Variants in SPMIP2 observed in about 807,000 individuals in gnomAD.
SPMIP2 encodes the protein protein SPMIP2.
the SPMIP2 span, chr4:159,026,315 C>T: frequency 1.6e-6 from 1 of 607,386 alleles, no homozygotes; most frequent in Non-Finnish European, 3.2e-6. Context: ...GCACAGTTTT[C>T]TCGTACCCTG....
At chr4:158,924,850 T>C in the SPMIP2 span, among the ~76,000 whole-genome samples, 1 of 152,230 alleles carries the variant, frequency 6.6e-6, no homozygotes, top group East Asian at 1.9e-4. Context: ...TGACATGGTA[T>C]ATTACATTGA....
At chr4:159,041,058 CAT>C in the SPMIP2 span, among the ~76,000 whole-genome samples, 2 of 152,134 alleles carry the variant, frequency 1.3e-5, no homozygotes, top group East Asian at 3.8e-4. Context: ...CCTGAAAAAA[CAT>C]AGATGATTAA....
At chr4:158,981,411 C>T in the SPMIP2 span, among the ~76,000 whole-genome samples, 159 of 152,188 alleles carry the variant, frequency 1.0e-3, 3 homozygotes, top group East Asian at 0.021. Context: ...TCATCAGAGT[C>T]ACCAAAGTTG....
chr4:158,982,939 A>C, the SPMIP2 span, among the ~76,000 whole-genome samples: 147,683 of 152,178 alleles, frequency 0.97, 71,810 homozygotes, highest in East Asian at 1. Flanking sequence ...TGTATAACTA[A>C]AATAACCAAT....
chr4:159,025,348 A>G, the SPMIP2 span, among the ~76,000 whole-genome samples: 1 of 152,184 alleles, frequency 6.6e-6, no homozygotes, highest in Non-Finnish European at 1.5e-5. Context: ...TATTTTTAGC[A>G]GAGACGAGGT....
At chr4:158,921,086 G>A in the SPMIP2 span, among the ~76,000 whole-genome samples, 1 of 152,172 alleles carries the variant, frequency 6.6e-6, no homozygotes, top group African/African-American at 2.4e-5. Context: ...TTGGGGGCAG[G>A]TTCCCCTGAT....
At chr4:158,930,256 G>T in the SPMIP2 span, among the ~76,000 whole-genome samples, 1 of 148,464 alleles carries the variant, frequency 6.7e-6, no homozygotes, top group African/African-American at 2.6e-5. Context: ...CTATCACCTA[G>T]GCTGGAGTGC....
At chr4:158,941,079 G>T in the SPMIP2 span, among the ~76,000 whole-genome samples, 822 of 152,202 alleles carry the variant, frequency 5.4e-3, 5 homozygotes, top group African/African-American at 0.017. Context: ...CTACTGAGTT[G>T]ATCTCTATGT....
At chr4:159,074,820 T>A in the SPMIP2 span, among the ~76,000 whole-genome samples, 1 of 152,176 alleles carries the variant, frequency 6.6e-6, no homozygotes, top group Non-Finnish European at 1.5e-5. Context: ...GAGACCCTCA[T>A]AACATGAGGT....
At chr4:158,998,093 A>G in the SPMIP2 span, among the ~76,000 whole-genome samples, 3 of 152,354 alleles carry the variant, frequency 2.0e-5, no homozygotes, top group South Asian at 6.2e-4. Context: ...GCAGTGGACA[A>G]TACGTAAACC....
chr4:159,045,470 G>C, the SPMIP2 span, among the ~76,000 whole-genome samples: 1 of 152,066 alleles, frequency 6.6e-6, no homozygotes, highest in Admixed American at 6.5e-5. Flanking sequence ...ATTATTTTTA[G>C]GCCATTGAAA....
the SPMIP2 span, among the ~76,000 whole-genome samples, chr4:158,985,708 CT>C: frequency 6.6e-6 from 1 of 151,750 alleles, no homozygotes; most frequent in Non-Finnish European, 1.5e-5. Context: ...GAAGCATTCC[CT>C]TTGAAAACTG....
the SPMIP2 span, among the ~76,000 whole-genome samples, chr4:159,053,207 C>T: frequency 1.3e-5 from 2 of 151,896 alleles, 1 homozygote; most frequent in Non-Finnish European, 2.9e-5. Context: ...CCGCCCGCCT[C>T]GGCCTCCCAA....
the SPMIP2 span, among the ~76,000 whole-genome samples, chr4:158,951,285 T>C: frequency 3.9e-5 from 6 of 152,200 alleles, no homozygotes; most frequent in African/African-American, 1.4e-4. Context: ...TCATAGAGTG[T>C]ACTTACACAA....
At chr4:158,960,520 G>A in the SPMIP2 span, among the ~76,000 whole-genome samples, 1 of 152,004 alleles carries the variant, frequency 6.6e-6, no homozygotes, top group Non-Finnish European at 1.5e-5. Context: ...GAACAGAGAG[G>A]AAAAAAGTAC....
At chr4:159,060,603 G>A in the SPMIP2 span, among the ~76,000 whole-genome samples, 1 of 152,230 alleles carries the variant, frequency 6.6e-6, no homozygotes, top group Non-Finnish European at 1.5e-5. Flanking sequence ...GTTGTAGGTT[G>A]AAGGAGCTAT....
At chr4:158,999,182 C>T in the SPMIP2 span, among the ~76,000 whole-genome samples, 488 of 134,572 alleles carry the variant, frequency 3.6e-3, 3 homozygotes, top group African/African-American at 0.013. Flanking sequence ...AAAAAAAAAA[C>T]AACAAAAAAA....
the SPMIP2 span, among the ~76,000 whole-genome samples, chr4:159,068,684 TAAAAAATA>T: frequency 2.1e-5 from 3 of 144,392 alleles, no homozygotes; most frequent in South Asian, 2.2e-4. Context: ...AATAAATAAA[TAAAAAATA>T]AAAAAATAAA....
At chr4:158,905,786 G>A in the SPMIP2 span, 1 of 151,896 alleles carries the variant, frequency 6.6e-6, no homozygotes, top group Non-Finnish European at 1.5e-5. Flanking sequence ...GACATCCAGG[G>A]TAAAGTAAAA....
Sources: gnomAD v4.1 joint callset for allele counts (sites outside exome capture counted in the v4.1 genomes callset) on GRCh38, gnomAD v4.1.1 for gene constraint, MANE v1.5 for transcripts, NCBI Gene and HGNC (gene_info 2026-07-23, HGNC 2026-07-21) for gene names.